The following ZZEF1 variants were observed in gnomAD, a reference collection of about 807,000 sequenced individuals.
ZZEF1 encodes zinc finger ZZ-type and EF-hand domain-containing protein 1.
In ZZEF1, 157 loss-of-function variants were observed where a neutral mutation model predicts 342.8. The ratio of observed to expected loss-of-function variants is 0.46; its 90% CI spans 0.40 to 0.52. The LOEUF (loss-of-function observed/expected upper bound fraction) is 0.52. Among genes scored for constraint, ZZEF1 ranks in the 20% least tolerant of loss-of-function variants. The probability of loss-of-function intolerance (pLI) is 0.00; values close to 1 mark genes in which losing one functional copy is unlikely to be tolerated. For missense variants in ZZEF1, 3,480 were observed against 3,725.6 expected (o/e 0.93, Z 1.72); for synonymous variants, 1,505 against 1,429.1 (o/e 1.05, Z -1.20).
chr17:4,078,960 ACAC>A (rs1271980538), intron 18 of ZZEF1, among the ~76,000 whole-genome samples: 1 of 152,226 alleles, frequency 6.6e-6, no homozygotes, highest in Non-Finnish European at 1.5e-5. Context: ...ATTCAGGGAA[ACAC>A]ATTAATAGCT....
At chr17:4,081,207 A>C (rs2057717000) in intron 18 of ZZEF1, among the ~76,000 whole-genome samples, 169 bp downstream of exon 18, 1 of 152,170 alleles carries the variant, frequency 6.6e-6, no homozygotes, top group African/African-American at 2.4e-5. Flanking sequence ...ACTGCACCCC[A>C]GCCCGGGTGA....
rs1038346082 is a variant in ZZEF1 at position 4,070,517 on chromosome 17, A to C, written c.4075+167T>G. On this transcript the variant is annotated intron_variant, in intron 26 of 54. Transcript: ENST00000381638. Reference sequence around the variant, plus strand: ...ACACATTATAATCTGCTAACCATAAAGTGGCCATGAATCTTTTAATAGGCA... The same window carrying C: ...ACACATTATAATCTGCTAACCATAACGTGGCCATGAATCTTTTAATAGGCA... 1.6e-4 allele frequency among the ~76,000 whole-genome samples: 25 copies of C among 152,230 alleles called. 1 individual carries two copies. The highest frequency in any genetic ancestry group is 2.6e-4 in the Non-Finnish European group (18 of 68,052).
intron 40 of ZZEF1, 75 bp from the exon 41 acceptor site, chr17:4,033,077 A>G (rs917409037): frequency 7.0e-7 from 1 of 1,426,318 alleles, no homozygotes; most frequent in African/African-American, 1.4e-5. Context: ...CTACACTCCA[A>G]GGCAGACCCA....
intron 6 of ZZEF1, among the ~76,000 whole-genome samples, chr17:4,106,020 G>T (rs920534535): frequency 1.3e-5 from 2 of 152,080 alleles, no homozygotes; most frequent in African/African-American, 4.8e-5. Context: ...TGCGATCTCG[G>T]CTCACTGCAA....
chr17:4,096,746 A>G (rs1329061560), intron 9 of ZZEF1, 46 bp from the exon 10 acceptor site: 1 of 1,479,428 alleles, frequency 6.8e-7, no homozygotes, highest in South Asian at 1.1e-5. Flanking sequence ...CCATTTTTAT[A>G]GCCCTAAGAA....
chr17:4,082,601 A>C, intron 16 of ZZEF1, 97 bp from the exon 17 acceptor site: 49 of 1,134,938 alleles, frequency 4.3e-5, no homozygotes, highest in Non-Finnish European at 5.8e-5. Flanking sequence ...CACTGTTCTC[A>C]AGTATGAGGA....
chr17:4,115,835 G>T (rs958897530), intron 3 of ZZEF1, among the ~76,000 whole-genome samples: 23 of 151,736 alleles, frequency 1.5e-4, no homozygotes, highest in African/African-American at 5.6e-4. Context: ...TTTTTGCTGT[G>T]AGCAAGGTTA....
At chr17:4,072,565 G>A in intron 25 of ZZEF1, 43 bp downstream of exon 25, 12 of 1,565,242 alleles carry the variant, frequency 7.7e-6, no homozygotes, top group Non-Finnish European at 1.0e-5. Flanking sequence ...ATACTTGCAG[G>A]CAGTTTCCAG....
At position 4,042,532 on chromosome 17, in the gene ZZEF1, A is replaced by G; in HGVS notation, c.6203T>C (p.Ile2068Thr). The change falls in exon 39 of 55, where the codon ATA becomes ACA. Residue 2068 changes from isoleucine (I) to threonine (T), a missense_variant. Coordinates refer to ENST00000381638, the MANE Select transcript of ZZEF1 (RefSeq NM_015113.4). ...GCTTGGAGTAACTGCTTTTTCCTCT[A>G]TGGGCTTCTGAGATGACACTTCTGA... ...EDSEVSSQKPIEEKAVTPSPE... is the reference protein window; with the variant it reads ...EDSEVSSQKPTEEKAVTPSPE... The G allele has an allele frequency of 6.2e-7, 1 of 1,613,860 alleles. No homozygotes were observed. Among genetic ancestry groups the G allele is most frequent in the East Asian group, 2.2e-5 (1 of 44,888 alleles).
In ZZEF1 at chr17:4,016,285, T is replaced by C; in HGVS notation, c.8145+38A>G. ...GAGGGGCTGACGAGGTCTCTGCGGC[T>C]CAGTCGCTCTTATGGGGCCTGCCGG... On this transcript the variant is annotated intron_variant, in intron 49 of 54. Transcript: ENST00000381638. The surrounding 1 kb of genome is among the most constrained non-coding windows in gnomAD (Gnocchi z 4.4). The C allele has an allele frequency of 1.9e-6, 3 of 1,588,928 alleles. No individual in the cohort carries two copies. The highest frequency in any genetic ancestry group is 2.6e-6 in the Non-Finnish European group (3 of 1,171,410).
chr17:4,096,014 G>A, intron 10 of ZZEF1, 35 bp from the exon 11 acceptor site: 3 of 1,560,362 alleles, frequency 1.9e-6, no homozygotes, highest in Non-Finnish European at 2.6e-6. Context: ...TCTATCAAAG[G>A]GGCAAAAGTT....
intron 39 of ZZEF1, among the ~76,000 whole-genome samples, chr17:4,038,759 T>G (rs181958098): frequency 6.6e-6 from 1 of 151,970 alleles, no homozygotes; most frequent in Non-Finnish European, 1.5e-5. Context: ...TGAGCCGAGA[T>G]TGCTCCACTG....
chr17:4,096,721 A>C, intron 9 of ZZEF1, 21 bp from the exon 10 acceptor site: 2 of 1,607,126 alleles, frequency 1.2e-6, no homozygotes, highest in Non-Finnish European at 1.7e-6. Context: ...GGAAAACTCA[A>C]GTTAGGGAAC....
Position 4,044,344 on chromosome 17 carries a change from G to A in ZZEF1, c.6046C>T (p.Pro2016Ser), listed in dbSNP as rs1345987696. Reference sequence around the variant, plus strand: ...TTATTTCTCTGCTTGAAATCTACAGGTCTGATTTCCTCATGAACAGCTCTC... The same window carrying A: ...TTATTTCTCTGCTTGAAATCTACAGATCTGATTTCCTCATGAACAGCTCTC... ...GKRAVHEEIR[P>S]VDFKQRNKAD... Residue 2016 changes from proline to serine, a missense_variant, in exon 38 of 55, where the codon CCT (proline) becomes TCT (serine). Physicochemically the swap from Pro to Ser is moderately conservative, Grantham distance 74 (BLOSUM62 -1). Coordinates refer to ENST00000381638, the MANE Select transcript of ZZEF1 (RefSeq NM_015113.4). The A allele has an allele frequency of 3.1e-6, 5 of 1,613,576 alleles. No individual in the cohort carries two copies. The highest frequency in any genetic ancestry group is 1.7e-5 in the Admixed American group (1 of 59,964).
chr17:4,126,915 C>T (rs2058581823), intron 1 of ZZEF1, among the ~76,000 whole-genome samples: 1 of 151,948 alleles, frequency 6.6e-6, no homozygotes, highest in African/African-American at 2.4e-5. Flanking sequence ...TGCAGTGAGC[C>T]AAAATTATAA....
intron 39 of ZZEF1, among the ~76,000 whole-genome samples, chr17:4,037,505 G>A (rs1174485142): frequency 2.0e-5 from 3 of 152,226 alleles, no homozygotes; most frequent in African/African-American, 7.2e-5. Flanking sequence ...GATCACGAAA[G>A]TAAAGACTGA....
chr17:4,027,020 C>G (rs2056422575), intron 42 of ZZEF1, among the ~76,000 whole-genome samples: 1 of 152,100 alleles, frequency 6.6e-6, no homozygotes. Context: ...TAAAAAAGAT[C>G]CCAGATGGAA....
intron 9 of ZZEF1, among the ~76,000 whole-genome samples, chr17:4,101,240 C>A (rs897022): frequency 1.6e-3 from 236 of 152,172 alleles, no homozygotes; most frequent in Middle Eastern, 3.4e-3. Flanking sequence ...GTGCTGAGAA[C>A]GAATACAGGA....
chr17:4,082,461 A>G lies in ZZEF1; in HGVS notation c.2690T>C (p.Phe897Ser), dbSNP rs753940875. The G allele has an allele frequency of 6.2e-7, 1 of 1,614,164 alleles. No homozygotes were observed. The highest frequency in any genetic ancestry group is 1.3e-5 in the African/African-American group (1 of 75,074). The part of the protein sequence containing the change: ...QEHKQSLQLT[F>S]RSLCTYFSDK... Reference sequence around the variant, plus strand: ...CCTAAAATACGTGCACAGTGAACGGAAAGTGAGCTGCAGGGACTGCTTGTG... The same window carrying G: ...CCTAAAATACGTGCACAGTGAACGGGAAGTGAGCTGCAGGGACTGCTTGTG... Residue 897 changes from phenylalanine to serine, a missense_variant, in exon 17 of 55, where the codon TTC (phenylalanine) becomes TCC (serine). Phe to Ser is a radical substitution (Grantham distance 155). Transcript: ENST00000381638.
Sources: allele counts gnomAD v4.1 joint callset (sites outside exome capture counted in the v4.1 genomes callset), GRCh38; gene constraint gnomAD v4.1.1; non-coding constraint Gnocchi (gnomAD v3.1); transcripts MANE v1.5; gene names NCBI Gene and HGNC (gene_info 2026-07-23, HGNC 2026-07-21).